RARG: variants seen among roughly 807,000 people sequenced by gnomAD.
RARG encodes the protein retinoic acid receptor gamma, also known as RAR-gamma.
In RARG, 17 loss-of-function variants were observed where a neutral mutation model predicts 43.7. That is an observed-to-expected ratio of 0.39 (90% CI 0.27 to 0.58). The LOEUF is 0.58. RARG is among the 20% of genes least tolerant of loss of function. The probability of loss-of-function intolerance (pLI) is 0.57; values close to 1 mark genes in which losing one functional copy is unlikely to be tolerated. For missense variants in RARG, 346 were observed against 598.7 expected, an observed-to-expected ratio of 0.58 and a Z score of 4.40; for synonymous variants, 238 against 236.4, an observed-to-expected ratio of 1.01 and a Z score of -0.06.
intron 3 of RARG, among the ~76,000 whole-genome samples, chr12:53,223,476 G>T (rs997843992): frequency 6.6e-6 from 1 of 151,388 alleles, no homozygotes; most frequent in Non-Finnish European, 1.5e-5. Flanking sequence ...CCAGGAGAGG[G>T]GGGTGCAGCC....
chr12:53,214,385 C>A (rs931646494), intron 6 of RARG, 61 bp downstream of exon 6: 18 of 1,583,176 alleles, frequency 1.1e-5, no homozygotes, highest in Non-Finnish European at 1.6e-5. Context: ...CCAACACAAC[C>A]CAGCCCCATT....
rs1194594982 is a variant in RARG at position 53,213,778 on chromosome 12, G to A, written c.814-78C>T. 19 of 1,427,416 alleles carry A rather than the reference G, an allele frequency of 1.3e-5. No homozygotes were observed. Among genetic ancestry groups the A allele is most frequent in the Non-Finnish European group, 1.7e-5 (18 of 1,030,092 alleles). The allele number at this position is 1,427,416 out of a possible 1,614,324, so 88.4% of individuals were successfully genotyped here. On this transcript the variant is annotated intron_variant, in intron 7 of 9. Transcript: ENST00000425354. The surrounding 1 kb of genome is among the most constrained non-coding windows in gnomAD (Gnocchi z 4.7). ...AGAGGGAATGAGTGGAAAGTGAGGA[G>A]GTTAGGTCCCCAGTGAGTGCAACCT... is the stretch of plus-strand genomic sequence containing the variant.
rs1285597678 is a variant in RARG at position 53,232,188 on chromosome 12, T to C, written c.-424A>G. 5 of 398,006 alleles carry C rather than the reference T, an allele frequency of 1.3e-5. No homozygotes were observed. Among genetic ancestry groups the C allele is most frequent in the Middle Eastern group, 1.2e-3 (2 of 1,610 alleles). 24.7% of individuals were successfully genotyped at this position (398,006 alleles called of 1,614,324 possible). A position where few individuals can be genotyped will look rare whatever the true frequency, so the allele number is the denominator to read the frequency against. On this transcript the variant is annotated 5_prime_UTR_variant, in exon 1 of 10. Coordinates refer to ENST00000425354, the MANE Select transcript of RARG (RefSeq NM_000966.6). ...ACACATTTTCTCCCAAACCGCACAC[T>C]GACTCTGCAGGCGGGGACACGGAAA... is the stretch of plus-strand genomic sequence containing the variant.
chr12:53,221,080 G>T (rs963251903), intron 3 of RARG, among the ~76,000 whole-genome samples: 1 of 151,792 alleles, frequency 6.6e-6, no homozygotes, highest in Non-Finnish European at 1.5e-5. Context: ...CCCTCGGGGC[G>T]GGTGGCCGAG....
chr12:53,214,328 T>G, intron 6 of RARG, 93 bp from the exon 7 acceptor site: 2 of 1,534,712 alleles, frequency 1.3e-6, no homozygotes, highest in South Asian at 2.4e-5. Context: ...CTCTCTCCTC[T>G]GCATTCTGAT....
chr12:53,217,392 G>T (rs1327285889), intron 3 of RARG, among the ~76,000 whole-genome samples: 1 of 152,212 alleles, frequency 6.6e-6, no homozygotes, highest in Non-Finnish European at 1.5e-5. Flanking sequence ...GCCTGTGCGT[G>T]GGGTGGTGCT....
In RARG at chr12:53,213,725, T is replaced by C. The variant is rs1380948158; in HGVS notation, c.814-25A>G. On this transcript the variant is annotated intron_variant, in intron 7 of 9. Transcript: ENST00000425354. The surrounding 1 kb of genome is among the most constrained non-coding windows in gnomAD (Gnocchi z 4.7). ...TCTGGAGGTGGGGGGTGGAGGAGGGTTAGTGCTGTTTCTGGGGGATGGGGA... is the reference window on the plus strand; with the variant it reads ...TCTGGAGGTGGGGGGTGGAGGAGGGCTAGTGCTGTTTCTGGGGGATGGGGA... 5 of 1,573,444 alleles carry C rather than the reference T, an allele frequency of 3.2e-6. No homozygotes were observed. Among genetic ancestry groups the C allele is most frequent in the Non-Finnish European group, 3.5e-6 (4 of 1,146,388 alleles).
chr12:53,227,712 G>A lies in RARG; in HGVS notation c.-142-25C>T. 8.0e-7 allele frequency: 1 copy of A among 1,250,520 alleles called. No homozygotes were observed. The highest frequency in any genetic ancestry group is 1.0e-6 in the Non-Finnish European group (1 of 974,192). The allele number at this position is 1,250,520 out of a possible 1,614,324, so 77.5% of individuals were successfully genotyped here. On this transcript the variant is annotated intron_variant, in intron 2 of 9. Coordinates refer to ENST00000425354, the MANE Select transcript of RARG (RefSeq NM_000966.6). This position sits in a 1 kb window ranked among gnomAD's most constrained non-coding sequence, Gnocchi z 4.3. ...CCTAGGGAGAAAGAGAGAGAAAGGA[G>A]AGATGAGAGAATGACCACTCTGAGG...
intron 3 of RARG, chr12:53,220,534 T>G: frequency 3.4e-6 from 1 of 298,482 alleles, no homozygotes; most frequent in African/African-American, 2.2e-5. Flanking sequence ...TGCATGCATT[T>G]ATCTTATCAG....
Position 53,227,237 on chromosome 12 carries a change from C to A in RARG, c.184+125G>T, listed in dbSNP as rs1943130303. On this transcript the variant is annotated intron_variant, in intron 3 of 9. Coordinates refer to ENST00000425354, the MANE Select transcript of RARG (RefSeq NM_000966.6). This position sits in a 1 kb window ranked among gnomAD's most constrained non-coding sequence, Gnocchi z 4.3. ...CCACCCTCCATTATTCACTACTACT[C>A]CATTAGGCCAAACCCCTGTCCCCTG... The A allele has an allele frequency of 9.8e-7, 1 of 1,024,804 alleles. No homozygotes were observed. 63.5% of individuals were successfully genotyped at this position (1,024,804 alleles called of 1,614,324 possible).
In RARG at chr12:53,215,745, G is replaced by T; in HGVS notation, c.234C>A (p.Pro78=). Residue 78 remains proline, a synonymous_variant, in exon 4 of 10, where the codon CCC becomes CCA. Transcript: ENST00000425354. This position sits in a 1 kb window ranked among gnomAD's most constrained non-coding sequence, Gnocchi z 6.4. ...TSSEEMVPSS[P]SPPPPPRVYK... is the part of the protein sequence containing the mutation. ...AGACCCGAGGAGGCGGAGGGGGCGA[G>T]GGCGAGCTGGGCACCATCTCCTCTG... 1 of 1,613,272 alleles carries T rather than the reference G, an allele frequency of 6.2e-7. No individual in the cohort carries two copies. Among genetic ancestry groups the T allele is most frequent in the East Asian group, 2.2e-5 (1 of 44,886 alleles).
At chr12:53,214,939 AG>A (rs3837436) in intron 5 of RARG, 13,232 of 357,076 alleles carry the variant, frequency 0.037, 364 homozygotes, top group South Asian at 0.092. Flanking sequence ...AATGGGGGCG[AG>A]GGGGGGGTGG....
chr12:53,220,397 G>T, intron 3 of RARG: 3 of 142,784 alleles, frequency 2.1e-5, no homozygotes, highest in Non-Finnish European at 4.2e-5. Flanking sequence ...GCCTGGAGGG[G>T]TGGGGGGTGG....
chr12:53,213,536 G>C lies in RARG; in HGVS notation c.978C>G (p.Thr326=). ...GQLLPLEMDD[T]ETGLLSAICL... ...AGATGGCGCTGAGCAGCCCTGTCTC[G>C]GTGTCATCCATCTCCAGGGGCAGGA... is the stretch of plus-strand genomic sequence containing the variant. Residue 326 remains threonine, a synonymous_variant, in exon 8 of 10, where the codon ACC becomes ACG. Coordinates refer to ENST00000425354, the MANE Select transcript of RARG (RefSeq NM_000966.6). This position sits in a 1 kb window ranked among gnomAD's most constrained non-coding sequence, Gnocchi z 4.7. 3 of 1,614,038 alleles carry C rather than the reference G, an allele frequency of 1.9e-6. No individual in the cohort carries two copies. Among genetic ancestry groups the C allele is most frequent in the Non-Finnish European group, 2.5e-6 (3 of 1,180,024 alleles).
Position 53,217,760 on chromosome 12 carries a change from G to A in RARG, c.185-1966C>T, listed in dbSNP as rs1592434603. 5.3e-5 allele frequency among the ~76,000 whole-genome samples: 8 copies of A among 152,292 alleles called. 1 individual carries two copies. The highest frequency in any genetic ancestry group is 5.2e-4 in the Admixed American group (8 of 15,304). ...GCCCCTGCTGGGGAGGATGGGGGTG[G>A]GCTCTGGGGTTTTCTCCTTTTAAAG... On this transcript the variant is annotated intron_variant, in intron 3 of 9. Transcript: ENST00000425354.
In RARG at chr12:53,213,366, G is replaced by T; in HGVS notation, c.1019-123C>A. 6.8e-7 allele frequency: 1 copy of T among 1,475,438 alleles called. No individual in the cohort carries two copies. The allele number at this position is 1,475,438 out of a possible 1,614,324, so 91.4% of individuals were successfully genotyped here. A position where few individuals can be genotyped will look rare whatever the true frequency, so the allele number is the denominator to read the frequency against. Reference sequence around the variant, plus strand: ...TACAGGGTTTCAGAACTCTCTGGATGGGGCCAGGTGCAAGAATTACCAGCA... The same window carrying T: ...TACAGGGTTTCAGAACTCTCTGGATTGGGCCAGGTGCAAGAATTACCAGCA... On this transcript the variant is annotated intron_variant, in intron 8 of 9. Transcript: ENST00000425354. The surrounding 1 kb of genome is among the most constrained non-coding windows in gnomAD (Gnocchi z 4.7).
chr12:53,211,657 G>T lies in RARG; in HGVS notation c.*19C>A. On this transcript the variant is annotated 3_prime_UTR_variant, in exon 10 of 10. Coordinates refer to ENST00000425354, the MANE Select transcript of RARG (RefSeq NM_000966.6). This position sits in a 1 kb window ranked among gnomAD's most constrained non-coding sequence, Gnocchi z 4.6. ...GCCTGAAGCCCCAACCCCCACAGCG[G>T]GGAGGTCAGGGGCCCTGGTCAGGCT... is the stretch of plus-strand genomic sequence containing the variant. 6.9e-7 allele frequency: 1 copy of T among 1,447,850 alleles called. No individual in the cohort carries two copies. Among genetic ancestry groups the T allele is most frequent in the Non-Finnish European group, 9.1e-7 (1 of 1,101,066 alleles). 89.7% of individuals were successfully genotyped at this position (1,447,850 alleles called of 1,614,324 possible).
At position 53,215,465 on chromosome 12, in the gene RARG, G is replaced by A. The variant is rs747416410; in HGVS notation, c.334-31C>T. 1.9e-6 allele frequency: 3 copies of A among 1,613,350 alleles called. No homozygotes were observed. The highest frequency in any genetic ancestry group is 2.2e-5 in the East Asian group (1 of 44,848). On this transcript the variant is annotated intron_variant, in intron 4 of 9. Transcript: ENST00000425354. This position sits in a 1 kb window ranked among gnomAD's most constrained non-coding sequence, Gnocchi z 6.4. Reference sequence around the variant, plus strand: ...GTTGAGGGAAAGAGAGAGGGCCTCTGAAGCACAATGCTGGGAGTACCAGCC... The same window carrying A: ...GTTGAGGGAAAGAGAGAGGGCCTCTAAAGCACAATGCTGGGAGTACCAGCC...
Position 53,227,332 on chromosome 12 carries a change from C to A in RARG, c.184+30G>T. On this transcript the variant is annotated intron_variant, in intron 3 of 9. Coordinates refer to ENST00000425354, the MANE Select transcript of RARG (RefSeq NM_000966.6). This position sits in a 1 kb window ranked among gnomAD's most constrained non-coding sequence, Gnocchi z 4.3. ...CCTGATGCCTTCTTGTTAACATTTG[C>A]CTTCATTCCCCAAGATCCCTGAGAC... The A allele has an allele frequency of 6.7e-7, 1 of 1,498,176 alleles. No individual in the cohort carries two copies. The highest frequency in any genetic ancestry group is 8.9e-7 in the Non-Finnish European group (1 of 1,120,956). 92.8% of individuals were successfully genotyped at this position (1,498,176 alleles called of 1,614,324 possible).
Sources: allele counts gnomAD v4.1 joint callset (sites outside exome capture counted in the v4.1 genomes callset), GRCh38; gene constraint gnomAD v4.1.1; non-coding constraint Gnocchi (gnomAD v3.1); transcripts MANE v1.5; gene names NCBI Gene and HGNC (gene_info 2026-07-23, HGNC 2026-07-21).